TLE4: variants seen among roughly 807,000 people sequenced by gnomAD.
The protein encoded by TLE4 is transducin-like enhancer protein 4.
TLE4 carries 8 observed loss-of-function variants against 92.8 expected under a neutral mutation model. The observed-to-expected ratio is 0.09, with a 90% CI of 0.05 to 0.16. The LOEUF is 0.16. Ranked by LOEUF, TLE4 falls within the 10% of genes least tolerant of loss-of-function variation. TLE4 has a pLI of 1.00. For missense variants in TLE4, 675 were observed against 997.6 expected, an observed-to-expected ratio of 0.68 and a Z score of 4.36; for synonymous variants, 371 against 374.1, an observed-to-expected ratio of 0.99 and a Z score of 0.10.
intron 8 of TLE4, among the ~76,000 whole-genome samples, chr9:79,674,463 C>G (rs1403348448): frequency 6.6e-6 from 1 of 152,118 alleles, no homozygotes; most frequent in African/African-American, 2.4e-5. Context: ...CTGGATGTAC[C>G]TTACTTGATG....
intron 4 of TLE4, among the ~76,000 whole-genome samples, chr9:79,591,599 A>G (rs553602044): frequency 5.3e-5 from 8 of 152,192 alleles, no homozygotes; most frequent in African/African-American, 1.4e-4. Flanking sequence ...AATGTTGTTG[A>G]AACGATTTGA....
intron 8 of TLE4, among the ~76,000 whole-genome samples, chr9:79,687,839 C>T (rs1232622843): frequency 6.6e-6 from 1 of 152,184 alleles, no homozygotes; most frequent in Non-Finnish European, 1.5e-5. Flanking sequence ...TTCAAGTTTC[C>T]TCCTGTTCAA....
intron 4 of TLE4, among the ~76,000 whole-genome samples, chr9:79,609,238 G>A (rs561560270): frequency 1.3e-5 from 2 of 152,106 alleles, no homozygotes; most frequent in African/African-American, 4.8e-5. Context: ...TTACTACCTG[G>A]TCATGCTCCT....
Position 79,572,558 on chromosome 9 carries a change from G to T in TLE4, c.-233G>T, listed in dbSNP as rs898902064. 2.3e-5 allele frequency: 4 copies of T among 177,608 alleles called. No homozygotes were observed. The East Asian group carries it at 6.4e-4, about 29-fold the overall frequency. The allele number at this position is 177,608 out of a possible 1,614,324, so 11.0% of individuals were successfully genotyped here. ...GAGACGCGCGCCGGACAATGCCCGC[G>T]GCGGGCCAGTGACGCCCGCGGGGAA... is the stretch of plus-strand genomic sequence containing the variant. On this transcript the variant is annotated 5_prime_UTR_variant, in exon 1 of 20. Transcript: ENST00000376552.
At chr9:79,587,783 T>C (rs182039510) in intron 4 of TLE4, among the ~76,000 whole-genome samples, 3 of 152,312 alleles carry the variant, frequency 2.0e-5, no homozygotes, top group African/African-American at 4.8e-5. Context: ...TAAGTACATA[T>C]AGTTAACAGA....
intron 8 of TLE4, among the ~76,000 whole-genome samples, chr9:79,666,220 T>TG (rs2061387338): frequency 2.3e-5 from 1 of 43,798 alleles, no homozygotes; most frequent in African/African-American, 5.3e-5. Flanking sequence ...TTTTTTTGTT[T>TG]TTTTTTTTTT....
chr9:79,612,064 A>G (rs1485652977), intron 4 of TLE4, among the ~76,000 whole-genome samples: 1 of 152,012 alleles, frequency 6.6e-6, no homozygotes, highest in African/African-American at 2.4e-5. Context: ...GGTAGGACAC[A>G]TTTGGAAATT....
intron 4 of TLE4, among the ~76,000 whole-genome samples, chr9:79,581,926 T>A (rs747175114): frequency 6.6e-6 from 1 of 152,066 alleles, no homozygotes; most frequent in South Asian, 2.1e-4. Context: ...GAGGGTGAGG[T>A]TGCTTTCACT....
At chr9:79,573,209 G>C (rs1263288488) in intron 1 of TLE4, 105 of 1,002,834 alleles carry the variant, frequency 1.0e-4, no homozygotes, top group Non-Finnish European at 1.2e-4. Context: ...GGCTGGCTGC[G>C]GTTTGGAAGT....
At chr9:79,706,084 GC>G in intron 10 of TLE4, 142 bp downstream of exon 10, 1 of 821,040 alleles carries the variant, frequency 1.2e-6, no homozygotes, top group Admixed American at 1.8e-5. Flanking sequence ...TTGTTCTCTT[GC>G]CCTGGCTAGA....
At chr9:79,601,299 A>G (rs2045593220) in intron 4 of TLE4, 4 of 443,804 alleles carry the variant, frequency 9.0e-6, no homozygotes, top group South Asian at 4.8e-5. Flanking sequence ...TAAATAAACC[A>G]TATCAGAATT....
chr9:79,711,890 G>T (rs1303537691), intron 14 of TLE4, among the ~76,000 whole-genome samples: 3 of 152,200 alleles, frequency 2.0e-5, no homozygotes, highest in Non-Finnish European at 2.9e-5. Flanking sequence ...CACTTTACCA[G>T]GAAAATGACA....
chr9:79,649,846 T>G, intron 6 of TLE4: 1 of 1,366,018 alleles, frequency 7.3e-7, no homozygotes, highest in African/African-American at 1.5e-5. Flanking sequence ...GTGACACACC[T>G]GGATCATTAA....
intron 6 of TLE4, among the ~76,000 whole-genome samples, chr9:79,629,574 G>A (rs143874383): frequency 3.5e-4 from 53 of 152,278 alleles, no homozygotes; most frequent in Non-Finnish European, 6.8e-4. Flanking sequence ...TCAAAGCAGC[G>A]TTACGTGCTA....
At chr9:79,688,578 ATT>A (rs1298503728) in intron 8 of TLE4, among the ~76,000 whole-genome samples, 1 of 151,866 alleles carries the variant, frequency 6.6e-6, no homozygotes. Flanking sequence ...TTAAGAAATT[ATT>A]TCTTTATTAC....
intron 14 of TLE4, among the ~76,000 whole-genome samples, chr9:79,715,329 C>T (rs1166418790): frequency 6.6e-6 from 1 of 152,076 alleles, no homozygotes; most frequent in African/African-American, 2.4e-5. Flanking sequence ...TCTTCATGAC[C>T]TCCTAATTGC....
intron 8 of TLE4, among the ~76,000 whole-genome samples, chr9:79,693,087 C>G (rs2067415688): frequency 6.6e-6 from 1 of 152,166 alleles, no homozygotes; most frequent in Admixed American, 6.5e-5. Context: ...TCAGTGCTGG[C>G]TATAAAGCTG....
At chr9:79,625,508 CATT>C (rs1458986829) in intron 5 of TLE4, among the ~76,000 whole-genome samples, 4 of 152,026 alleles carry the variant, frequency 2.6e-5, no homozygotes, top group African/African-American at 9.7e-5. Context: ...TAACTGATAT[CATT>C]GTTGAGTATA....
At chr9:79,613,331 C>A (rs1212641679) in intron 5 of TLE4, among the ~76,000 whole-genome samples, 1 of 152,062 alleles carries the variant, frequency 6.6e-6, no homozygotes, top group Non-Finnish European at 1.5e-5. Context: ...TGGCATGCGG[C>A]TCACTAGTTC....
Sources: gnomAD v4.1 joint callset for allele counts (sites outside exome capture counted in the v4.1 genomes callset) on GRCh38, gnomAD v4.1.1 for gene constraint, MANE v1.5 for transcripts, NCBI Gene and HGNC (gene_info 2026-07-23, HGNC 2026-07-21) for gene names.